Variants in PPP1R1C observed in about 807,000 individuals in gnomAD.
PPP1R1C encodes the protein protein phosphatase 1 regulatory inhibitor subunit 1C.
Under a neutral mutation model 17.4 loss-of-function variants are expected in PPP1R1C, and 15 were observed. The observed-to-expected ratio is 0.86, with a 90% CI of 0.58 to 1.33. The LOEUF (loss-of-function observed/expected upper bound fraction) is 1.33. Ranked by LOEUF, PPP1R1C falls within the 40% of genes most tolerant of loss-of-function variation. The probability of loss-of-function intolerance (pLI) is 0.00; values close to 1 mark genes in which losing one functional copy is unlikely to be tolerated. For synonymous variants in PPP1R1C, 35 were observed against 43.1 expected, an observed-to-expected ratio of 0.81 and a Z score of 0.73; for missense variants, 143 against 130.0, an observed-to-expected ratio of 1.10 and a Z score of -0.48.
In PPP1R1C at chr2:182,061,471, C is replaced by T. The variant is rs766391311; in HGVS notation, c.172C>T (p.Gln58Ter). ...AGATGACAAGAGGGGGCCCAACACACAAGGGGAAGTAAGTTTTTAAAAATA... is the reference window on the plus strand; with the variant it reads ...AGATGACAAGAGGGGGCCCAACACATAAGGGGAAGTAAGTTTTTAAAAATA... Reference protein sequence around the residue: ...EIDDKRGPNTQGELQNASPKQ... With the variant: ...EIDDKRGPNT The change falls in exon 3 of 5, where the codon CAA becomes TAA. Residue 58 changes from glutamine to a stop codon, truncating the protein, a stop_gained. Transcript: ENST00000682840. LOFTEE classifies it high-confidence loss of function. The T allele has an allele frequency of 4.1e-6, 6 of 1,464,888 alleles. No individual in the cohort carries two copies. The highest frequency in any genetic ancestry group is 5.4e-6 in the Non-Finnish European group (6 of 1,110,384). The allele number at this position is 1,464,888 out of a possible 1,614,324, so 90.7% of individuals were successfully genotyped here.
At chr2:181,975,905 A>C (rs1440274931) in intron 2 of PPP1R1C, among the ~76,000 whole-genome samples, 1 of 152,078 alleles carries the variant, frequency 6.6e-6, no homozygotes, top group Non-Finnish European at 1.5e-5. Context: ...TCATTAGAAG[A>C]CAAAGCATGT....
intron 2 of PPP1R1C, among the ~76,000 whole-genome samples, chr2:182,057,512 C>T (rs1441444382): frequency 6.6e-6 from 1 of 152,104 alleles, no homozygotes; most frequent in East Asian, 1.9e-4. Context: ...CAAACAGATA[C>T]TAGTGGTATT....
In PPP1R1C at chr2:181,970,222, A is replaced by G. The variant is rs549713937; in HGVS notation, n.112-4997A>G. ...ATTGGTGTCTGGGCGTTGAAGGATTAGGTATTTATTATAGTCTTTGCAGTC... is the reference window on the plus strand; with the variant it reads ...ATTGGTGTCTGGGCGTTGAAGGATTGGGTATTTATTATAGTCTTTGCAGTC... On this transcript the variant is annotated intron_variant and non_coding_transcript_variant, in intron 1 of 5. Transcript: ENST00000464264. 2.0e-5 allele frequency among the ~76,000 whole-genome samples: 3 copies of G among 151,546 alleles called. 1 individual carries two copies. In the South Asian group the frequency reaches 6.2e-4, roughly 32 times the overall value.
intron 2 of PPP1R1C, among the ~76,000 whole-genome samples, chr2:182,030,480 T>A (rs1191409170): frequency 6.6e-6 from 1 of 150,868 alleles, no homozygotes; most frequent in East Asian, 1.9e-4. Context: ...CCGTGTGAGA[T>A]GTCAGTGTGC....
At chr2:182,031,185 C>T (rs1049113755) in intron 2 of PPP1R1C, among the ~76,000 whole-genome samples, 2 of 152,226 alleles carry the variant, frequency 1.3e-5, no homozygotes, top group African/African-American at 4.8e-5. Context: ...GCATAGCTCA[C>T]GCTGGGAGCT....
intron 2 of PPP1R1C, among the ~76,000 whole-genome samples, chr2:182,035,222 G>A (rs1317078558): frequency 2.0e-5 from 3 of 152,196 alleles, no homozygotes; most frequent in Non-Finnish European, 4.4e-5. Context: ...CACAGTGAAA[G>A]TTTATAGCAT....
chr2:181,957,857 C>T lies in PPP1R1C; in HGVS notation n.111+3223C>T, dbSNP rs1684697296. Among the ~76,000 whole-genome samples, 1 of 152,188 alleles carries T rather than the reference C, an allele frequency of 6.6e-6. No individual in the cohort carries two copies. The highest frequency in any genetic ancestry group is 6.5e-5 in the Admixed American group (1 of 15,280). ...GACTGCATTGCTAATCTTGCCATTG[C>T]ATTTCGCTAAAGTGCAAATAATTGA... On this transcript the variant is annotated intron_variant and non_coding_transcript_variant, in intron 1 of 5. Coordinates refer to the PPP1R1C transcript ENST00000464264. This position sits in a 1 kb window ranked among gnomAD's most constrained non-coding sequence, Gnocchi z 4.2.
At position 182,087,961 on chromosome 2, in the gene PPP1R1C, A is replaced by G. The variant is rs181174322; in HGVS notation, c.241+24170A>G. Among the ~76,000 whole-genome samples, 194 of 152,342 alleles carry G rather than the reference A, an allele frequency of 1.3e-3. 1 individual carries two copies. Among genetic ancestry groups the G allele is most frequent in the African/African-American group, 4.5e-3 (186 of 41,578 alleles). On this transcript the variant is annotated intron_variant, in intron 4 of 4. Coordinates refer to ENST00000682840, the MANE Select transcript of PPP1R1C (RefSeq NM_001080545.3). ...GGAGCGATGGCATTCTAGTGCTGCA[A>G]ATGATGCAATGAAAATGACCTGATC...
intron 4 of PPP1R1C, among the ~76,000 whole-genome samples, chr2:182,113,546 A>G (rs1444891428): frequency 6.6e-6 from 1 of 152,174 alleles, no homozygotes; most frequent in Non-Finnish European, 1.5e-5. Context: ...CGTACTGCCA[A>G]CTTCGCCACT....
chr2:182,057,014 T>C (rs1316046114), intron 2 of PPP1R1C, among the ~76,000 whole-genome samples: 1 of 152,228 alleles, frequency 6.6e-6, no homozygotes, highest in Non-Finnish European at 1.5e-5. Context: ...TTAAAAATTG[T>C]TAAAAGTATG....
exon 6 of PPP1R1C, chr2:182,129,953 A>T (rs1291174238): frequency 6.6e-6 from 1 of 152,172 alleles, no homozygotes; most frequent in Non-Finnish European, 1.5e-5. Flanking sequence ...AACTAAGATG[A>T]CTTATAAGAA....
At chr2:182,055,082 T>G (rs111308634) in intron 2 of PPP1R1C, among the ~76,000 whole-genome samples, 1 of 152,152 alleles carries the variant, frequency 6.6e-6, no homozygotes, top group East Asian at 1.9e-4. Context: ...TTCTGGTTTT[T>G]TTTTTATCTT....
intron 2 of PPP1R1C, among the ~76,000 whole-genome samples, chr2:182,027,148 G>A (rs1017914832): frequency 1.4e-4 from 20 of 141,336 alleles, no homozygotes; most frequent in South Asian, 2.4e-4. Flanking sequence ...CAATCATGTC[G>A]TCTGCAAACA....
chr2:181,969,111 C>T (rs1489468189), intron 1 of PPP1R1C, among the ~76,000 whole-genome samples: 2 of 152,194 alleles, frequency 1.3e-5, no homozygotes, highest in East Asian at 3.9e-4. Flanking sequence ...ATTGTTTAGT[C>T]TTTCTACTCA....
At chr2:182,112,074 G>A (rs929992401) in intron 4 of PPP1R1C, among the ~76,000 whole-genome samples, 2 of 151,976 alleles carry the variant, frequency 1.3e-5, no homozygotes, top group African/African-American at 2.4e-5. Flanking sequence ...GATCCATAGC[G>A]CTTCTTCACT....
At chr2:182,016,844 C>G (rs2125159924) in intron 2 of PPP1R1C, among the ~76,000 whole-genome samples, 1 of 152,242 alleles carries the variant, frequency 6.6e-6, no homozygotes, top group South Asian at 2.1e-4. Flanking sequence ...CTTCTGTTAG[C>G]AACTTAAAAG....
chr2:181,979,896 A>G (rs1685163659), intron 2 of PPP1R1C, among the ~76,000 whole-genome samples: 1 of 152,178 alleles, frequency 6.6e-6, no homozygotes, highest in South Asian at 2.1e-4. Flanking sequence ...GTATTTTTAA[A>G]CATGGTAGCA....
chr2:182,002,529 A>C (rs1050787124), intron 2 of PPP1R1C, among the ~76,000 whole-genome samples: 1 of 152,066 alleles, frequency 6.6e-6, no homozygotes, highest in South Asian at 2.1e-4. Flanking sequence ...TTTATTAATA[A>C]AAATTATTAT....
chr2:182,111,667 G>A (rs1689441904), intron 4 of PPP1R1C, among the ~76,000 whole-genome samples: 1 of 151,668 alleles, frequency 6.6e-6, no homozygotes, highest in Non-Finnish European at 1.5e-5. Context: ...CCTTTACTGA[G>A]GGGCCTTTCT....
Sources: allele counts gnomAD v4.1 joint callset (sites outside exome capture counted in the v4.1 genomes callset), GRCh38; gene constraint gnomAD v4.1.1; non-coding constraint Gnocchi (gnomAD v3.1); transcripts MANE v1.5; gene names NCBI Gene and HGNC (gene_info 2026-07-23, HGNC 2026-07-21).